Variants in IL16 observed in about 807,000 individuals in gnomAD.
The protein encoded by IL16 is interleukin 16, also known as pro-interleukin-16.
In IL16, 67 loss-of-function variants were observed where a neutral mutation model predicts 110.1. That is an observed-to-expected ratio of 0.61 (90% CI 0.50 to 0.75). IL16 has a LOEUF of 0.75. Among genes scored for constraint, IL16 ranks in the 30% least tolerant of loss-of-function variants. IL16 has a pLI of 0.00. For synonymous variants in IL16, 689 were observed against 662.9 expected, an observed-to-expected ratio of 1.04 and a Z score of -0.61; for missense variants, 1,545 against 1,655.0, an observed-to-expected ratio of 0.93 and a Z score of 1.15.
At chr15:81,274,770 C>T (rs943478584) in intron 6 of IL16, among the ~76,000 whole-genome samples, 1 of 152,200 alleles carries the variant, frequency 6.6e-6, no homozygotes, top group African/African-American at 2.4e-5. Context: ...AAGGTTAAAA[C>T]TTTTACCATC....
At chr15:81,213,856 A>G (rs758210467) in intron 1 of IL16, among the ~76,000 whole-genome samples, 17 of 152,164 alleles carry the variant, frequency 1.1e-4, no homozygotes, top group Non-Finnish European at 2.4e-4. Flanking sequence ...TTAAGTGGGA[A>G]CATTTAGTCC....
At chr15:81,184,247 C>T (rs1375586138) in intron 1 of IL16, among the ~76,000 whole-genome samples, 3 of 152,208 alleles carry the variant, frequency 2.0e-5, no homozygotes, top group Non-Finnish European at 4.4e-5. Context: ...GGAGGTCTTA[C>T]CACTTCCTAC....
chr15:81,231,511 T>C (rs2142062798), intron 2 of IL16, among the ~76,000 whole-genome samples: 1 of 152,294 alleles, frequency 6.6e-6, no homozygotes, highest in Admixed American at 6.5e-5. Context: ...TAGTTGGGAC[T>C]ACAGGCACAT....
intron 1 of IL16, among the ~76,000 whole-genome samples, chr15:81,190,260 A>C (rs1895479194): frequency 6.6e-6 from 1 of 152,174 alleles, no homozygotes; most frequent in African/African-American, 2.4e-5. Flanking sequence ...GTGCTGTGCA[A>C]ACCATCCTAA....
intron 18 of IL16, chr15:81,306,757 G>A: frequency 1.6e-6 from 1 of 619,224 alleles, no homozygotes; most frequent in Non-Finnish European, 2.9e-6. Context: ...TGTTTTGATG[G>A]GTCTTCAAAA....
At chr15:81,212,630 C>G (rs1896291814) in intron 1 of IL16, among the ~76,000 whole-genome samples, 1 of 152,024 alleles carries the variant, frequency 6.6e-6, no homozygotes. Context: ...CTCCACCGCA[C>G]CCAGCTAAGT....
chr15:81,195,107 G>A (rs1017824983), upstream of IL16, among the ~76,000 whole-genome samples: 1 of 152,156 alleles, frequency 6.6e-6, no homozygotes, highest in Non-Finnish European at 1.5e-5. Flanking sequence ...AAAAATCAGG[G>A]CCAAGTCTCA....
At chr15:81,249,448 T>C (rs1897689762) in intron 2 of IL16, among the ~76,000 whole-genome samples, 1 of 152,166 alleles carries the variant, frequency 6.6e-6, no homozygotes, top group Admixed American at 6.5e-5. Context: ...ATTTTACTCA[T>C]TTTTGAAGAT....
chr15:81,234,234 GT>G (rs1228098327), intron 2 of IL16, among the ~76,000 whole-genome samples: 1 of 151,958 alleles, frequency 6.6e-6, no homozygotes, highest in East Asian at 1.9e-4. Flanking sequence ...AATTGTAGGT[GT>G]TTACACTATT....
At chr15:81,280,208 C>T (rs1214833967) in intron 8 of IL16, among the ~76,000 whole-genome samples, 1 of 152,202 alleles carries the variant, frequency 6.6e-6, no homozygotes, top group Admixed American at 6.5e-5. Context: ...ATTCCCTTTG[C>T]CACCCCCCCA....
intron 2 of IL16, among the ~76,000 whole-genome samples, chr15:81,242,629 T>C (rs1349151270): frequency 6.6e-6 from 1 of 152,214 alleles, no homozygotes; most frequent in African/African-American, 2.4e-5. Context: ...GCATTGAGTT[T>C]TTCTGTGTAG....
intron 1 of IL16, among the ~76,000 whole-genome samples, chr15:81,199,008 A>G (rs1895704941): frequency 7.7e-6 from 1 of 130,132 alleles, no homozygotes; most frequent in African/African-American, 3.3e-5. Flanking sequence ...TGACAGAGGG[A>G]GACTCCATCT....
chr15:81,233,925 T>C (rs1897098626), intron 2 of IL16, among the ~76,000 whole-genome samples: 1 of 152,098 alleles, frequency 6.6e-6, no homozygotes, highest in African/African-American at 2.4e-5. Flanking sequence ...CTTTTAGTTC[T>C]GTCAATTTTT....
intron 1 of IL16, among the ~76,000 whole-genome samples, chr15:81,185,975 T>TAAACAAA (rs1040100800): frequency 6.6e-6 from 1 of 152,262 alleles, no homozygotes; most frequent in Admixed American, 6.5e-5. Context: ...TGCAGCATCT[T>TAAACAAA]AAACAAATTA....
chr15:81,246,341 C>G (rs943853923), intron 2 of IL16, among the ~76,000 whole-genome samples: 9 of 152,152 alleles, frequency 5.9e-5, no homozygotes, highest in Admixed American at 4.6e-4. Flanking sequence ...ACCATCTCCC[C>G]ACCCCTAACC....
intron 2 of IL16, among the ~76,000 whole-genome samples, chr15:81,249,837 G>C (rs1897704487): frequency 6.6e-6 from 1 of 151,954 alleles, no homozygotes. Context: ...TATCTTACAT[G>C]TTTCTTTACC....
At chr15:81,282,975 G>A (rs1336755527) in intron 9 of IL16, among the ~76,000 whole-genome samples, 1 of 152,198 alleles carries the variant, frequency 6.6e-6, no homozygotes, top group South Asian at 2.1e-4. Context: ...AGATGCATTT[G>A]CAATCTGGCT....
chr15:81,262,012 G>A (rs1898177744), intron 3 of IL16, among the ~76,000 whole-genome samples: 1 of 152,322 alleles, frequency 6.6e-6, no homozygotes, highest in East Asian at 1.9e-4. Context: ...GCTGCAGTAA[G>A]CCATGATTGT....
chr15:81,233,809 G>T (rs2142074176), intron 2 of IL16, among the ~76,000 whole-genome samples: 1 of 152,084 alleles, frequency 6.6e-6, no homozygotes, highest in African/African-American at 2.4e-5. Flanking sequence ...TAGCTTGTTA[G>T]CTATTTTCCC....
Sources: allele counts gnomAD v4.1 joint callset (sites outside exome capture counted in the v4.1 genomes callset), GRCh38; gene constraint gnomAD v4.1.1; transcripts MANE v1.5; gene names NCBI Gene and HGNC (gene_info 2026-07-23, HGNC 2026-07-21).